The following RALGDS variants were observed in gnomAD, a reference collection of about 807,000 sequenced individuals.
The protein encoded by RALGDS is ral guanine nucleotide dissociation stimulator.
A neutral mutation model predicts 99.8 loss-of-function variants in RALGDS; 44 were observed. That is an observed-to-expected ratio of 0.44 (90% confidence interval 0.35 to 0.57). RALGDS has a LOEUF of 0.57. RALGDS is among the 20% of genes least tolerant of loss of function. The probability of loss-of-function intolerance (pLI) is 0.01; values close to 1 mark genes in which losing one functional copy is unlikely to be tolerated. For missense variants in RALGDS, 1,022 were observed against 1,203.1 expected (o/e 0.85, Z 2.23); for synonymous variants, 529 against 505.0 (o/e 1.05, Z -0.64).
At position 133,121,038 on chromosome 9, in the gene RALGDS, G is replaced by C; in HGVS notation, c.117C>G (p.Val39=). The part of the protein sequence containing the change: ...VWDAVRLEVG[V]PDSCPVVLHS... ...GCAGCACCACCGGGCAGCTGTCGGG[G>C]ACGCCCACCTCCAGGCGCACGGCGT... Residue 39 remains valine, a synonymous_variant, in exon 1 of 18, where the codon GTC becomes GTG. Coordinates refer to ENST00000372050, the MANE Select transcript of RALGDS (RefSeq NM_006266.4). 1 of 1,495,140 alleles carries C rather than the reference G, an allele frequency of 6.7e-7. No individual in the cohort carries two copies. Among genetic ancestry groups the C allele is most frequent in the Non-Finnish European group, 8.9e-7 (1 of 1,128,710 alleles). 92.6% of individuals were successfully genotyped at this position (1,495,140 alleles called of 1,614,324 possible). A position where few individuals can be genotyped will look rare whatever the true frequency, so the allele number is the denominator to read the frequency against.
chr9:133,139,764 T>C (rs1832488912), intron 1 of RALGDS, among the ~76,000 whole-genome samples: 1 of 152,158 alleles, frequency 6.6e-6, no homozygotes, highest in South Asian at 2.1e-4. Context: ...ATCGGCCATC[T>C]CCCTTCTGCG....
chr9:133,122,442 G>A (rs994570431), upstream of RALGDS, among the ~76,000 whole-genome samples: 1 of 152,206 alleles, frequency 6.6e-6, no homozygotes, highest in African/African-American at 2.4e-5. Context: ...AACTGAGAGG[G>A]CGGGACCAGA....
exon 1 of RALGDS, chr9:133,131,098 C>G (rs776299715): frequency 6.8e-7 from 1 of 1,461,510 alleles, no homozygotes; most frequent in Non-Finnish European, 9.0e-7. Flanking sequence ...CCCTGGGGCC[C>G]GGCTTCCCGC....
chr9:133,120,683 A>C (rs1831885132), intron 1 of RALGDS, among the ~76,000 whole-genome samples: 1 of 152,126 alleles, frequency 6.6e-6, no homozygotes, highest in Non-Finnish European at 1.5e-5. Flanking sequence ...AAAAAGGTCC[A>C]CCTGGGCTGC....
chr9:133,144,562 C>A lies in RALGDS; in HGVS notation c.18+4401G>T, dbSNP rs1378237739. Among the ~76,000 whole-genome samples the A allele has an allele frequency of 6.6e-6, 1 of 152,234 alleles. No homozygotes were observed. The highest frequency in any genetic ancestry group is 2.4e-5 in the African/African-American group (1 of 41,464). ...GAGACCTTTGTCTGCGGCAGCTCCG[C>A]GCCGGGCTGGGCGGCCGCACGGGAG... On this transcript the variant is annotated intron_variant, in intron 1 of 17. Coordinates refer to the RALGDS transcript ENST00000393160. This position sits in a 1 kb window ranked among gnomAD's most constrained non-coding sequence, Gnocchi z 4.5.
intron 1 of RALGDS, among the ~76,000 whole-genome samples, chr9:133,127,353 G>A (rs978735006): frequency 3.3e-5 from 5 of 152,404 alleles, no homozygotes; most frequent in Middle Eastern, 6.8e-3. Flanking sequence ...GCTTGGCCAA[G>A]GCCGGGAGGA....
chr9:133,122,539 G>A (rs1831988436), upstream of RALGDS, among the ~76,000 whole-genome samples: 1 of 152,208 alleles, frequency 6.6e-6, no homozygotes, highest in Non-Finnish European at 1.5e-5. Flanking sequence ...ACTGGAGTGA[G>A]GCGGCAGTTC....
At chr9:133,105,901 C>T in intron 9 of RALGDS, 31 bp downstream of exon 9, 1 of 482,152 alleles carries the variant, frequency 2.1e-6, no homozygotes. Context: ...GCCCCCGCCC[C>T]AGCCCCCGCC....
At chr9:133,147,786 C>T (rs1391193613) in intron 1 of RALGDS, among the ~76,000 whole-genome samples, 1 of 152,216 alleles carries the variant, frequency 6.6e-6, no homozygotes, top group African/African-American at 2.4e-5. Context: ...AGCAGCTCTC[C>T]TGAGTCCCAG....
intron 5 of RALGDS, 31 bp from the exon 6 acceptor site, chr9:133,108,437 C>T (rs1189795030): frequency 1.3e-6 from 2 of 1,527,074 alleles, no homozygotes; most frequent in Non-Finnish European, 1.8e-6. Context: ...AACAACATGC[C>T]AGCCTTTCCT....
intron 1 of RALGDS, among the ~76,000 whole-genome samples, chr9:133,119,452 T>C (rs1831794630): frequency 6.6e-6 from 1 of 152,196 alleles, no homozygotes; most frequent in African/African-American, 2.4e-5. Flanking sequence ...TGGATCTCAG[T>C]GCTGAGGCTG....
At position 133,108,290 on chromosome 9, in the gene RALGDS, G is replaced by A. The variant is rs771844046; in HGVS notation, c.895C>T (p.Pro299Ser). ...PAPEPEPAPT[P>S]APGSELEVAP... The stretch of plus-strand genomic sequence containing the variant: ...ACTTCTAGCTCTGAACCTGGAGCTG[G>A]TGTTGGAGCTGGCTCTGGCTCCGGG... Residue 299 changes from proline (P) to serine (S), a missense_variant, in exon 6 of 18, where the codon CCA becomes TCA. Pro to Ser is a moderately conservative substitution (Grantham distance 74). This residue lies in a region of RALGDS where 825 missense variants were observed against 994.5 expected (regional missense o/e 0.83). Transcript: ENST00000372050. 8 of 1,559,858 alleles carry A rather than the reference G, an allele frequency of 5.1e-6. No homozygotes were observed. The highest frequency in any genetic ancestry group is 6.9e-6 in the Non-Finnish European group (8 of 1,152,542).
chr9:133,147,534 G>GC (rs1832642884), intron 1 of RALGDS, among the ~76,000 whole-genome samples: 1 of 152,114 alleles, frequency 6.6e-6, no homozygotes, highest in Admixed American at 6.5e-5. Flanking sequence ...AGCTCTTGGA[G>GC]CCCCCTCCCG....
Position 133,098,489 on chromosome 9 carries a change from C to CTCCCA in RALGDS, c.*97_*98insTGGGA. On this transcript the variant is annotated 3_prime_UTR_variant, in exon 18 of 18. Coordinates refer to ENST00000372050, the MANE Select transcript of RALGDS (RefSeq NM_006266.4). Reference sequence around the variant, plus strand: ...AGGATGAAACTGGAGTCTGGGGTACCCTGGGCTGGCAGGTGGGAGGAAGGC... The same window carrying CTCCCA: ...AGGATGAAACTGGAGTCTGGGGTACCTCCCACTGGGCTGGCAGGTGGGAGGAAGGC... 7.8e-7 allele frequency: 1 copy of CTCCCA among 1,285,944 alleles called. No individual in the cohort carries two copies. Among genetic ancestry groups the CTCCCA allele is most frequent in the South Asian group, 1.2e-5 (1 of 80,840 alleles). The allele number at this position is 1,285,944 out of a possible 1,614,324, so 79.7% of individuals were successfully genotyped here. A position where few individuals can be genotyped will look rare whatever the true frequency, so the allele number is the denominator to read the frequency against.
At chr9:133,141,219 T>C (rs900691643) in intron 1 of RALGDS, among the ~76,000 whole-genome samples, 2 of 152,136 alleles carry the variant, frequency 1.3e-5, no homozygotes, top group Admixed American at 6.5e-5. Flanking sequence ...AGAGAGAACA[T>C]CTGAGGCAAC....
rs550775460 is a variant in RALGDS, at chr9:133,144,354, G to T, written c.18+4609C>A. ...CTGACACCACGGTCTGCAAACCATG[G>T]TCCTCCTCGCCACCCCTGTCACCTC... On this transcript the variant is annotated intron_variant, in intron 1 of 17. Coordinates refer to the RALGDS transcript ENST00000393160. This position sits in a 1 kb window ranked among gnomAD's most constrained non-coding sequence, Gnocchi z 4.5. Among the ~76,000 whole-genome samples the T allele has an allele frequency of 2.0e-5, 3 of 152,056 alleles. No homozygotes were observed. The highest frequency in any genetic ancestry group is 2.0e-4 in the Admixed American group (3 of 15,280).
upstream of RALGDS, among the ~76,000 whole-genome samples, chr9:133,121,840 T>A (rs891561051): frequency 1.3e-5 from 2 of 152,246 alleles, no homozygotes; most frequent in Non-Finnish European, 2.9e-5. Context: ...TTGGAGAGGC[T>A]GACCATGTGT....
chr9:133,132,844 G>T (rs971797043), upstream of RALGDS, among the ~76,000 whole-genome samples: 6 of 152,032 alleles, frequency 3.9e-5, no homozygotes, highest in Non-Finnish European at 7.4e-5. Flanking sequence ...TTTACATGTT[G>T]GCCAGGATGG....
chr9:133,135,319 C>T (rs1017882892), upstream of RALGDS, among the ~76,000 whole-genome samples: 2 of 152,218 alleles, frequency 1.3e-5, no homozygotes, highest in African/African-American at 4.8e-5. Context: ...CTTGGCACCA[C>T]CCCAGGCAGG....
Sources: allele counts gnomAD v4.1 joint callset (sites outside exome capture counted in the v4.1 genomes callset), GRCh38; gene constraint gnomAD v4.1.1; regional missense constraint gnomAD v4.1.1; non-coding constraint Gnocchi (gnomAD v3.1); transcripts MANE v1.5; gene names NCBI Gene and HGNC (gene_info 2026-07-23, HGNC 2026-07-21).